The following ACTL8 variants were observed in gnomAD, a reference collection of about 807,000 sequenced individuals.
The protein encoded by ACTL8 is actin like 8.
A neutral mutation model predicts 9.3 loss-of-function variants in ACTL8; 3 were observed. That is an observed-to-expected ratio of 0.32 (90% CI 0.15 to 0.83). The LOEUF is 0.83. Among genes scored for constraint, ACTL8 ranks in the 40% least tolerant of loss-of-function variants. ACTL8 has a pLI of 0.57. For missense variants in ACTL8, 381 were observed against 492.2 expected, an observed-to-expected ratio of 0.77 and a Z score of 2.14; for synonymous variants, 224 against 205.9, an observed-to-expected ratio of 1.09 and a Z score of -0.75.
At chr1:17,769,524 C>T (rs538446545) in intron 1 of ACTL8, among the ~76,000 whole-genome samples, 26 of 152,316 alleles carry the variant, frequency 1.7e-4, no homozygotes, top group Admixed American at 5.2e-4. Flanking sequence ...TCACGAATTC[C>T]CTGCCTCTTG....
At chr1:17,821,478 T>G (rs925273823) in intron 1 of ACTL8, among the ~76,000 whole-genome samples, 2 of 152,226 alleles carry the variant, frequency 1.3e-5, no homozygotes, top group Non-Finnish European at 2.9e-5. Context: ...TTTTGGTATA[T>G]GGACATCCAA....
intron 2 of ACTL8, 118 bp from the exon 3 acceptor site, chr1:17,825,649 C>A: frequency 7.5e-7 from 1 of 1,329,220 alleles, no homozygotes; most frequent in South Asian, 1.4e-5. Context: ...GGGCCCTGGG[C>A]GCAGCATCCT....
At chr1:17,802,364 G>A (rs780019442) in intron 1 of ACTL8, among the ~76,000 whole-genome samples, 1 of 152,016 alleles carries the variant, frequency 6.6e-6, no homozygotes, top group Non-Finnish European at 1.5e-5. Flanking sequence ...GAGGGTGGAC[G>A]TGGAGTCAGG....
At chr1:17,772,989 G>A (rs1458673650) in intron 1 of ACTL8, among the ~76,000 whole-genome samples, 1 of 152,046 alleles carries the variant, frequency 6.6e-6, no homozygotes, top group African/African-American at 2.4e-5. Flanking sequence ...TCACAGCAGC[G>A]AGCTTATCAA....
At chr1:17,776,096 G>T (rs2102680757) in intron 1 of ACTL8, among the ~76,000 whole-genome samples, 1 of 152,232 alleles carries the variant, frequency 6.6e-6, no homozygotes, top group Admixed American at 6.5e-5. Flanking sequence ...CCTTAGCCTT[G>T]CCTCCCCAAC....
intron 1 of ACTL8, among the ~76,000 whole-genome samples, chr1:17,784,605 A>G (rs1466515709): frequency 6.6e-6 from 1 of 152,200 alleles, no homozygotes; most frequent in Admixed American, 6.5e-5. Context: ...AGCAGTATAG[A>G]ATGTTAGGAA....
intron 1 of ACTL8, among the ~76,000 whole-genome samples, chr1:17,820,866 C>A (rs1297497777): frequency 6.6e-6 from 1 of 152,150 alleles, no homozygotes; most frequent in African/African-American, 2.4e-5. Flanking sequence ...AAGAAACTGC[C>A]ACACCATTTT....
chr1:17,798,292 A>G (rs748882615), intron 1 of ACTL8, among the ~76,000 whole-genome samples: 2 of 152,074 alleles, frequency 1.3e-5, no homozygotes, highest in Non-Finnish European at 2.9e-5. Flanking sequence ...AGGTGCCCTA[A>G]GGAGCTCATG....
Position 17,826,445 on chromosome 1 carries a change from G to C in ACTL8, c.1027G>C (p.Val343Leu), listed in dbSNP as rs1461260714. The C allele has an allele frequency of 1.4e-5, 22 of 1,613,240 alleles. No homozygotes were observed. The highest frequency in any genetic ancestry group is 1.9e-5 in the Non-Finnish European group (22 of 1,179,612). ...RNFSVWLGAS[V>L]VAHLSTYQSE... ...CTTTAGTGTCTGGCTAGGAGCGTCCGTGGTGGCTCACCTTTCTACCTACCA... is the reference window on the plus strand; with the variant it reads ...CTTTAGTGTCTGGCTAGGAGCGTCCCTGGTGGCTCACCTTTCTACCTACCA... Residue 343 changes from valine to leucine, a missense_variant, in exon 3 of 3, where the codon GTG becomes CTG. Around this residue, in one of 3 missense-constraint regions of ACTL8, gnomAD observed 243 missense variants for 276.2 expected, o/e 0.88. Coordinates refer to ENST00000375406, the MANE Select transcript of ACTL8 (RefSeq NM_030812.3). This position sits in a 1 kb window ranked among gnomAD's most constrained non-coding sequence, Gnocchi z 4.5.
At chr1:17,776,969 ATTTTTTTTTTTTTTTTTTTTTT>A (rs765972298) in intron 1 of ACTL8, among the ~76,000 whole-genome samples, 8 of 50,508 alleles carry the variant, frequency 1.6e-4, no homozygotes, top group African/African-American at 4.7e-4. Context: ...CTGGCTAATG[ATTTTTTTTTTTTTTTTTTTTTT>A]TTTTTTTTTT....
At chr1:17,771,274 T>C (rs553646313) in intron 1 of ACTL8, among the ~76,000 whole-genome samples, 32 of 152,292 alleles carry the variant, frequency 2.1e-4, no homozygotes, top group African/African-American at 7.7e-4. Context: ...ACTTTTCATG[T>C]GTCACAAAAT....
intron 1 of ACTL8, among the ~76,000 whole-genome samples, chr1:17,765,175 T>C (rs2066035102): frequency 6.6e-6 from 1 of 152,056 alleles, no homozygotes; most frequent in South Asian, 2.1e-4. Flanking sequence ...GTGGAGCAGG[T>C]TGGGGCTGGC....
In ACTL8 at chr1:17,826,034, GTGACTCAGA is replaced by G; in HGVS notation, c.620_628del (p.Thr207_Met209del). On this transcript the variant is annotated inframe_deletion, in exon 3 of 3. Transcript: ENST00000375406. The surrounding 1 kb of genome is among the most constrained non-coding windows in gnomAD (Gnocchi z 4.5). ...CCTGTTTCAGCTGGAGACAGTCGCC[GTGACTCAGA>G]TGAACAAGTGCTACGTGCCGCAGAA... 3.1e-6 allele frequency: 5 copies of G among 1,606,564 alleles called. No individual in the cohort carries two copies. The highest frequency in any genetic ancestry group is 4.2e-6 in the Non-Finnish European group (5 of 1,179,990).
intron 1 of ACTL8, among the ~76,000 whole-genome samples, chr1:17,786,371 TTAG>T (rs1253475118): frequency 6.6e-6 from 1 of 152,248 alleles, no homozygotes; most frequent in Non-Finnish European, 1.5e-5. Context: ...CTTGGTGAGT[TTAG>T]TAAGCTGACA....
intron 1 of ACTL8, among the ~76,000 whole-genome samples, chr1:17,792,228 CT>C (rs2066244850): frequency 6.6e-6 from 1 of 152,224 alleles, no homozygotes; most frequent in South Asian, 2.1e-4. Context: ...CCTTACCTGC[CT>C]TATTCCAGTC....
intron 1 of ACTL8, among the ~76,000 whole-genome samples, chr1:17,781,899 C>G (rs1278756829): frequency 6.6e-6 from 1 of 152,146 alleles, no homozygotes; most frequent in Non-Finnish European, 1.5e-5. Flanking sequence ...GGACAGAGGA[C>G]AGGCCACAAA....
intron 1 of ACTL8, among the ~76,000 whole-genome samples, chr1:17,764,996 G>T (rs1184258240): frequency 2.0e-5 from 3 of 152,206 alleles, no homozygotes; most frequent in Non-Finnish European, 4.4e-5. Context: ...AAGCCACCAT[G>T]ATGCACAAGT....
chr1:17,816,110 A>G (rs1182682349), intron 1 of ACTL8, among the ~76,000 whole-genome samples: 2 of 152,156 alleles, frequency 1.3e-5, no homozygotes, highest in Non-Finnish European at 2.9e-5. Context: ...GAGAGCTTTC[A>G]GAACTTACTG....
chr1:17,814,456 T>C (rs1377330646), intron 1 of ACTL8, among the ~76,000 whole-genome samples: 1 of 152,060 alleles, frequency 6.6e-6, no homozygotes, highest in Non-Finnish European at 1.5e-5. Flanking sequence ...ATACAATACA[T>C]ACCATTATGT....
Sources: gnomAD v4.1 joint callset for allele counts (sites outside exome capture counted in the v4.1 genomes callset) on GRCh38, gnomAD v4.1.1 for gene constraint, gnomAD v4.1.1 regional missense constraint, Gnocchi (gnomAD v3.1) non-coding constraint, MANE v1.5 for transcripts, NCBI Gene and HGNC (gene_info 2026-07-23, HGNC 2026-07-21) for gene names.